CFAP77: variants seen among roughly 807,000 people sequenced by gnomAD.
CFAP77 encodes the protein cilia and flagella associated protein 77, also known as cilia- and flagella-associated protein 77.
Under a neutral mutation model 31.1 loss-of-function variants are expected in CFAP77, and 25 were observed. The observed-to-expected ratio is 0.80, with a 90% CI of 0.59 to 1.12. The LOEUF (loss-of-function observed/expected upper bound fraction) is 1.12, where lower values mean the gene tolerates loss of function less well. Ranked by LOEUF, CFAP77 falls within the 50% of genes most tolerant of loss-of-function variation. The pLI, the probability that CFAP77 is intolerant of heterozygous loss-of-function variation, is 0.00. For synonymous variants in CFAP77, 151 were observed against 159.9 expected (o/e 0.94, Z 0.42); for missense variants, 377 against 397.3 (o/e 0.95, Z 0.44).
rs139008147 is a variant in CFAP77, at chr9:132,458,357, G to GGGGGGGGGGGT, written c.196-40337_196-40336insGGGGGGGGGTG. Among the ~76,000 whole-genome samples, 41 of 119,072 alleles carry GGGGGGGGGGGT rather than the reference G, an allele frequency of 3.4e-4. 2 individuals are homozygous for GGGGGGGGGGGT. The highest frequency in any genetic ancestry group is 4.9e-4 in the Admixed American group (5 of 10,224). The allele number at this position is 119,072 out of a possible 152,430, so 78.1% of individuals were successfully genotyped here. A position where few individuals can be genotyped will look rare whatever the true frequency, so the allele number is the denominator to read the frequency against. On this transcript the variant is annotated intron_variant, in intron 1 of 5. Coordinates refer to ENST00000393216, the MANE Select transcript of CFAP77 (RefSeq NM_001282957.2). The stretch of plus-strand genomic sequence containing the variant: ...GTCTCCCTGGCGGGGGAGGGGGGGG[G>GGGGGGGGGGGT]GTGTGTATGGAAGGCTCAGCTCATC...
At chr9:132,531,625 T>TGG (rs57104311) in intron 3 of CFAP77, among the ~76,000 whole-genome samples, 2,782 of 65,518 alleles carry the variant, frequency 0.042, 215 homozygotes, top group African/African-American at 0.12. Flanking sequence ...GGCTAAGACA[T>TGG]GGGGGGGGGG....
intron 3 of CFAP77, among the ~76,000 whole-genome samples, chr9:132,530,213 C>T (rs1344634466): frequency 1.4e-5 from 2 of 148,008 alleles, no homozygotes; most frequent in East Asian, 4.0e-4. Context: ...AATCCTCCCA[C>T]CTTGGACTCT....
chr9:132,484,600 T>C (rs1449722477), intron 1 of CFAP77, among the ~76,000 whole-genome samples: 1 of 152,206 alleles, frequency 6.6e-6, no homozygotes, highest in Non-Finnish European at 1.5e-5. Flanking sequence ...TAATATTCCA[T>C]TGTGCGGATG....
chr9:132,416,918 T>C (rs1371684689), intron 1 of CFAP77, among the ~76,000 whole-genome samples: 1 of 152,102 alleles, frequency 6.6e-6, no homozygotes, highest in African/African-American at 2.4e-5. Flanking sequence ...ATTACAGGTG[T>C]GAGCCACTGT....
intron 1 of CFAP77, among the ~76,000 whole-genome samples, chr9:132,467,557 T>C (rs1358117462): frequency 1.3e-5 from 2 of 152,222 alleles, no homozygotes; most frequent in Admixed American, 1.3e-4. Flanking sequence ...TAATATTCCC[T>C]TGTATGGAGG....
chr9:132,465,073 C>CAAAAAAA (rs773917029), intron 1 of CFAP77, among the ~76,000 whole-genome samples: 76 of 82,778 alleles, frequency 9.2e-4, no homozygotes, highest in East Asian at 1.6e-3. Context: ...GACTCTGTCT[C>CAAAAAAA]AAAAAAAAAA....
At chr9:132,437,973 G>A (rs542507560) in intron 1 of CFAP77, among the ~76,000 whole-genome samples, 11 of 151,574 alleles carry the variant, frequency 7.3e-5, no homozygotes, top group African/African-American at 2.7e-4. Context: ...ACTTTGGGAG[G>A]CTGAGGCCAA....
intron 1 of CFAP77, among the ~76,000 whole-genome samples, chr9:132,435,354 T>C (rs1017831561): frequency 3.3e-5 from 5 of 152,194 alleles, no homozygotes; most frequent in Admixed American, 1.3e-4. Flanking sequence ...GAGAGAGATT[T>C]TTAAAACTTT....
At chr9:132,446,809 A>G (rs143898769) in intron 1 of CFAP77, among the ~76,000 whole-genome samples, 51 of 152,016 alleles carry the variant, frequency 3.4e-4, no homozygotes, top group African/African-American at 1.2e-3. Context: ...CTGTGTGGGA[A>G]AGCATGCCAA....
At chr9:132,485,417 G>A (rs562016430) in intron 1 of CFAP77, among the ~76,000 whole-genome samples, 4 of 152,264 alleles carry the variant, frequency 2.6e-5, no homozygotes, top group South Asian at 2.1e-4. Context: ...GTTCCAGCTC[G>A]GGTGGCTTGG....
In CFAP77 at chr9:132,480,046, A is replaced by G. The variant is rs181799356; in HGVS notation, c.196-18649A>G. On this transcript the variant is annotated intron_variant, in intron 1 of 5. Coordinates refer to ENST00000393216, the MANE Select transcript of CFAP77 (RefSeq NM_001282957.2). The surrounding 1 kb of genome is among the most constrained non-coding windows in gnomAD (Gnocchi z 5.8). ...GGATGGAGACGCGCTCCAGATAGGA[A>G]ATGGCAGAGCTGGTGGGGGGGACCC... 1.6e-4 allele frequency among the ~76,000 whole-genome samples: 24 copies of G among 152,252 alleles called. No individual in the cohort carries two copies. The highest frequency in any genetic ancestry group is 1.6e-3 in the Admixed American group (24 of 15,300).
At chr9:132,419,170 G>T (rs1437760314) in intron 1 of CFAP77, among the ~76,000 whole-genome samples, 2 of 152,072 alleles carry the variant, frequency 1.3e-5, no homozygotes, top group East Asian at 3.9e-4. Context: ...AGGGATTTTT[G>T]ATCTTTTATA....
intron 1 of CFAP77, among the ~76,000 whole-genome samples, chr9:132,473,373 T>C (rs1054461028): frequency 1.3e-5 from 2 of 152,234 alleles, no homozygotes; most frequent in African/African-American, 4.8e-5. Flanking sequence ...TCAGAGGCAG[T>C]TACTATTTGG....
chr9:132,482,270 C>A (rs1344796868), intron 1 of CFAP77: 9 of 1,484,836 alleles, frequency 6.1e-6, no homozygotes, highest in Non-Finnish European at 5.6e-6. Context: ...GACAGCTAAA[C>A]TGACCAAATG....
At chr9:132,535,394 G>A (rs1376804506) in intron 3 of CFAP77, among the ~76,000 whole-genome samples, 1 of 152,112 alleles carries the variant, frequency 6.6e-6, no homozygotes, top group African/African-American at 2.4e-5. Context: ...CTTACGCTAG[G>A]GATATTCTGC....
In CFAP77 at chr9:132,499,710, C is replaced by A; in HGVS notation, c.524+110C>A. On this transcript the variant is annotated intron_variant, in intron 3 of 5. Coordinates refer to ENST00000393216, the MANE Select transcript of CFAP77 (RefSeq NM_001282957.2). This position sits in a 1 kb window ranked among gnomAD's most constrained non-coding sequence, Gnocchi z 5.4. The stretch of plus-strand genomic sequence containing the variant: ...GAAGTGGAGCATCCTCCCAGCCCCA[C>A]TGTCCTCTCTTCAATGACTCTCTCT... 1 of 919,570 alleles carries A rather than the reference C, an allele frequency of 1.1e-6. No individual in the cohort carries two copies. Among genetic ancestry groups the A allele is most frequent in the Non-Finnish European group, 1.7e-6 (1 of 582,714 alleles). 57.0% of individuals were successfully genotyped at this position (919,570 alleles called of 1,614,324 possible).
Position 132,499,196 on chromosome 9 carries a change from G to T in CFAP77, c.296-176G>T, listed in dbSNP as rs866919489. Among the ~76,000 whole-genome samples, 25 of 152,322 alleles carry T rather than the reference G, an allele frequency of 1.6e-4. No individual in the cohort carries two copies. The highest frequency in any genetic ancestry group is 6.8e-3 in the Middle Eastern group (2 of 294). The stretch of plus-strand genomic sequence containing the variant: ...TACCCTCAGGATCTCTGGGAGCCCT[G>T]ATCCCGCCGTTTTGGGCCATCATGC... On this transcript the variant is annotated intron_variant, in intron 2 of 5. Coordinates refer to ENST00000393216, the MANE Select transcript of CFAP77 (RefSeq NM_001282957.2). The surrounding 1 kb of genome is among the most constrained non-coding windows in gnomAD (Gnocchi z 5.4).
intron 5 of CFAP77, among the ~76,000 whole-genome samples, chr9:132,559,496 C>A (rs775708805): frequency 6.6e-6 from 1 of 152,068 alleles, no homozygotes. Flanking sequence ...CTTCACTCCC[C>A]CTACAACGGC....
At position 132,412,625 on chromosome 9, in the gene CFAP77, T is replaced by TG. The variant is rs1219795808; in HGVS notation, c.195+2159_195+2160insG. On this transcript the variant is annotated intron_variant, in intron 1 of 5. Coordinates refer to ENST00000393216, the MANE Select transcript of CFAP77 (RefSeq NM_001282957.2). ...TGTTTGTTTGTTTTGTGCTTTTTTT[T>TG]TTTTGTTTGTTTGTTTGTTTTGCTC... Among the ~76,000 whole-genome samples, 8 of 151,960 alleles carry TG rather than the reference T, an allele frequency of 5.3e-5. No individual in the cohort carries two copies. In the South Asian group the frequency reaches 1.0e-3, roughly 20 times the overall value.
Sources: allele counts gnomAD v4.1 joint callset (sites outside exome capture counted in the v4.1 genomes callset), GRCh38; gene constraint gnomAD v4.1.1; non-coding constraint Gnocchi (gnomAD v3.1); transcripts MANE v1.5; gene names NCBI Gene and HGNC (gene_info 2026-07-23, HGNC 2026-07-21).